The following GSDMC variants were observed in gnomAD, a reference collection of about 807,000 sequenced individuals.
GSDMC encodes the protein gasdermin-C.
GSDMC carries 59 observed loss-of-function variants against 58.0 expected under a neutral mutation model. That is an observed-to-expected ratio of 1.02 (90% CI 0.82 to 1.26). The LOEUF (loss-of-function observed/expected upper bound fraction) is 1.26, where lower values mean the gene tolerates loss of function less well. Among genes scored for constraint, GSDMC ranks in the 50% most tolerant of loss-of-function variants. GSDMC has a pLI of 0.00. For synonymous variants in GSDMC, 241 were observed against 220.2 expected, an observed-to-expected ratio of 1.09 and a Z score of -0.83; for missense variants, 659 against 598.5, an observed-to-expected ratio of 1.10 and a Z score of -1.06.
chr8:129,735,954 T>C, the GSDMC span, among the ~76,000 whole-genome samples: 2 of 151,720 alleles, frequency 1.3e-5, no homozygotes, highest in South Asian at 4.2e-4. Context: ...ATAGACACAA[T>C]AAAAAATGAT....
At chr8:129,717,575 G>A in the GSDMC span, among the ~76,000 whole-genome samples, 9,621 of 152,036 alleles carry the variant, frequency 0.063, 528 homozygotes, top group East Asian at 0.25. Flanking sequence ...AATTAATATC[G>A]TGAAAATGGC....
chr8:129,778,214 A>G (rs1477950105), intron 1 of GSDMC, among the ~76,000 whole-genome samples: 2 of 152,220 alleles, frequency 1.3e-5, no homozygotes, highest in Admixed American at 1.3e-4. Flanking sequence ...GGAGAAAAGA[A>G]TTCCAGGTAC....
At chr8:129,766,089 A>T (rs2130474419) in intron 3 of GSDMC, among the ~76,000 whole-genome samples, 1 of 152,254 alleles carries the variant, frequency 6.6e-6, no homozygotes, top group Non-Finnish European at 1.5e-5. Flanking sequence ...TTTTAGCACT[A>T]GGGTCTCTCA....
intron 2 of GSDMC, among the ~76,000 whole-genome samples, chr8:129,776,662 G>A (rs1383885260): frequency 2.0e-5 from 3 of 152,188 alleles, no homozygotes; most frequent in Admixed American, 6.5e-5. Context: ...TTGGGATGTG[G>A]AGCCAGACAG....
the GSDMC span, among the ~76,000 whole-genome samples, chr8:129,742,780 T>A: frequency 6.6e-6 from 1 of 152,202 alleles, no homozygotes; most frequent in Non-Finnish European, 1.5e-5. Context: ...AAAACCATTA[T>A]TTCATATATT....
the GSDMC span, among the ~76,000 whole-genome samples, chr8:129,724,429 C>T: frequency 2.0e-5 from 3 of 152,034 alleles, 1 homozygote; most frequent in Admixed American, 2.0e-4. Context: ...ATATTGATAA[C>T]ACAATAGATA....
rs751710297 is a variant in GSDMC, at chr8:129,751,906, G to T, written c.887-15C>A. 12 of 1,604,642 alleles carry T rather than the reference G, an allele frequency of 7.5e-6. No homozygotes were observed. The Admixed American group carries it at 1.5e-4, about 20-fold the overall frequency. ...TTGTTCGTATTCTAAAAAAAGAAATGAAATTCCTCACCAAAGAGGCTCAAA... is the reference window on the plus strand; with the variant it reads ...TTGTTCGTATTCTAAAAAAAGAAATTAAATTCCTCACCAAAGAGGCTCAAA... On this transcript the variant is annotated splice_polypyrimidine_tract_variant and intron_variant, in intron 8 of 13. Transcript: ENST00000276708.
At chr8:129,757,232 C>G (rs182133619) in intron 6 of GSDMC, among the ~76,000 whole-genome samples, 12 of 151,672 alleles carry the variant, frequency 7.9e-5, no homozygotes, top group Admixed American at 2.0e-4. Context: ...ACAACTGATA[C>G]AGCAGAAATT....
intron 5 of GSDMC, among the ~76,000 whole-genome samples, chr8:129,760,933 A>G (rs911182918): frequency 6.6e-6 from 1 of 152,178 alleles, no homozygotes; most frequent in Non-Finnish European, 1.5e-5. Context: ...ATGATTTCAC[A>G]TTCTGTGTAG....
rs182459035 is a variant in GSDMC at position 129,782,200 on chromosome 8, G to A, written c.-5+3811C>T. Among the ~76,000 whole-genome samples the A allele has an allele frequency of 1.7e-3, 265 of 152,156 alleles. 1 individual carries two copies. The highest frequency in any genetic ancestry group is 6.0e-3 in the African/African-American group (248 of 41,524). On this transcript the variant is annotated intron_variant, in intron 1 of 13. Coordinates refer to ENST00000276708, the MANE Select transcript of GSDMC (RefSeq NM_031415.3). ...AATGCAAACATACCAAAACCCATGG[G>A]ATACAGCAAAAGCAGTACAAAGAGG...
chr8:129,753,327 A>T (rs1428393759), intron 6 of GSDMC, among the ~76,000 whole-genome samples: 1 of 152,132 alleles, frequency 6.6e-6, no homozygotes, highest in East Asian at 1.9e-4. Context: ...AGGACAGGAG[A>T]CTGGGTAGAG....
chr8:129,755,668 G>A (rs756380926), intron 6 of GSDMC, among the ~76,000 whole-genome samples: 2 of 152,064 alleles, frequency 1.3e-5, no homozygotes, highest in Non-Finnish European at 2.9e-5. Context: ...TCAAGACATA[G>A]TACAATAAGA....
At chr8:129,717,808 G>A in the GSDMC span, among the ~76,000 whole-genome samples, 3 of 152,060 alleles carry the variant, frequency 2.0e-5, no homozygotes, top group Admixed American at 1.3e-4. Context: ...GTATAGTACT[G>A]GTACCAAAAT....
chr8:129,768,566 G>GA (rs2033943959), intron 3 of GSDMC, among the ~76,000 whole-genome samples: 1 of 152,060 alleles, frequency 6.6e-6, no homozygotes, highest in African/African-American at 2.4e-5. Flanking sequence ...TAACTAAACT[G>GA]AAAAAAGTTT....
downstream of GSDMC, among the ~76,000 whole-genome samples, chr8:129,744,925 G>A (rs368200950): frequency 2.0e-5 from 3 of 152,306 alleles, no homozygotes; most frequent in Admixed American, 6.5e-5. Context: ...GTAGACACTC[G>A]TTTCTCTGCC....
intron 5 of GSDMC, 51 bp from the exon 6 acceptor site, chr8:129,760,640 T>TGAGTCTTTCCCATAGCCC: frequency 9.7e-7 from 1 of 1,029,568 alleles, no homozygotes; most frequent in Non-Finnish European, 1.5e-6. Flanking sequence ...TATTCCTGCC[T>TGAGTCTTTCCCATAGCCC]GAACCTAGAC....
intron 1 of GSDMC, among the ~76,000 whole-genome samples, chr8:129,785,670 A>T (rs2034535872): frequency 6.6e-6 from 1 of 152,184 alleles, no homozygotes; most frequent in South Asian, 2.1e-4. Flanking sequence ...TTCAATAATG[A>T]AGAGAGACAG....
At position 129,752,914 on chromosome 8, in the gene GSDMC, A is replaced by G. The variant is rs1044154185; in HGVS notation, c.722-94T>C. 19 of 1,580,228 alleles carry G rather than the reference A, an allele frequency of 1.2e-5. No homozygotes were observed. In the East Asian group the frequency reaches 4.1e-4, roughly 34 times the overall value. On this transcript the variant is annotated intron_variant, in intron 6 of 13. Transcript: ENST00000276708. ...AGAGAGCAGAGCCAGGCTGGGCTCA[A>G]TCAGTGCCAGTGCACGAAGGGAGCA...
intron 6 of GSDMC, among the ~76,000 whole-genome samples, chr8:129,757,153 T>G (rs755163824): frequency 2.0e-5 from 3 of 150,598 alleles, no homozygotes; most frequent in African/African-American, 4.9e-5. Flanking sequence ...TTGACAAAAC[T>G]TTAGCCAGAA....
Sources: allele counts gnomAD v4.1 joint callset (sites outside exome capture counted in the v4.1 genomes callset), GRCh38; gene constraint gnomAD v4.1.1; transcripts MANE v1.5; gene names NCBI Gene and HGNC (gene_info 2026-07-23, HGNC 2026-07-21).